PTAR1: variants seen among roughly 807,000 people sequenced by gnomAD.
PTAR1 encodes protein prenyltransferase alpha subunit repeat containing 1, also known as protein prenyltransferase alpha subunit repeat-containing protein 1.
PTAR1 carries 17 observed loss-of-function variants against 45.5 expected under a neutral mutation model. That is an observed-to-expected ratio of 0.37 (90% confidence interval 0.26 to 0.56). PTAR1 has a LOEUF of 0.56. Among genes scored for constraint, PTAR1 ranks in the 20% least tolerant of loss-of-function variants. The pLI is 0.77. For synonymous variants in PTAR1, 169 were observed against 171.3 expected, an observed-to-expected ratio of 0.99 and a Z score of 0.11; for missense variants, 391 against 476.3, an observed-to-expected ratio of 0.82 and a Z score of 1.67.
chr9:69,759,427 G>C (rs535429216), intron 1 of PTAR1, among the ~76,000 whole-genome samples: 1 of 152,116 alleles, frequency 6.6e-6, no homozygotes, highest in African/African-American at 2.4e-5. Flanking sequence ...AAAAGTAAGA[G>C]GATCGGTTAC....
At position 69,713,108 on chromosome 9, in the gene PTAR1, A is replaced by T. The variant is rs139277920; in HGVS notation, c.*5234T>A. The T allele has an allele frequency of 6.6e-6, 1 of 152,192 alleles. No homozygotes were observed. Among genetic ancestry groups the T allele is most frequent in the Non-Finnish European group, 1.5e-5 (1 of 68,020 alleles). 9.4% of individuals were successfully genotyped at this position (152,192 alleles called of 1,614,324 possible). Reference sequence around the variant, plus strand: ...TAACGTCAGGGTTAGCTTTCTGGACAATAGAATCATCCAGAAAGCACAAAT... The same window carrying T: ...TAACGTCAGGGTTAGCTTTCTGGACTATAGAATCATCCAGAAAGCACAAAT... On this transcript the variant is annotated 3_prime_UTR_variant, in exon 8 of 8. Transcript: ENST00000340434.
chr9:69,747,360 A>G (rs541092392), intron 2 of PTAR1, among the ~76,000 whole-genome samples: 1 of 152,224 alleles, frequency 6.6e-6, no homozygotes, highest in Non-Finnish European at 1.5e-5. Context: ...ATGCACGTGC[A>G]TGTGCTGGCA....
At chr9:69,754,532 C>CTTTTTTTTTTTTTTTTTTTTT (rs60025062) in intron 1 of PTAR1, among the ~76,000 whole-genome samples, 1 of 76,260 alleles carries the variant, frequency 1.3e-5, no homozygotes, top group South Asian at 5.1e-4. Context: ...GGGTATATAT[C>CTTTTTTTTTTTTTTTTTTTTT]TTTTTTTTTT....
intron 2 of PTAR1, among the ~76,000 whole-genome samples, chr9:69,749,929 G>T (rs1266236015): frequency 6.6e-6 from 1 of 151,982 alleles, no homozygotes; most frequent in Non-Finnish European, 1.5e-5. Flanking sequence ...AATTCTCTAG[G>T]AAACAAAGTT....
In PTAR1 at chr9:69,713,433, C is replaced by T. The variant is rs1004899471; in HGVS notation, c.*4909G>A. On this transcript the variant is annotated 3_prime_UTR_variant, in exon 8 of 8. Coordinates refer to ENST00000340434, the MANE Select transcript of PTAR1 (RefSeq NM_001099666.2). Reference sequence around the variant, plus strand: ...ATATATTTCTATGAAATTATATTTGCTATCTTGAAATATGGAATTCCTATC... The same window carrying T: ...ATATATTTCTATGAAATTATATTTGTTATCTTGAAATATGGAATTCCTATC... 6.6e-6 allele frequency: 1 copy of T among 152,080 alleles called. No homozygotes were observed. The highest frequency in any genetic ancestry group is 1.5e-5 in the Non-Finnish European group (1 of 67,996). The allele number at this position is 152,080 out of a possible 1,614,324, so 9.4% of individuals were successfully genotyped here. A position where few individuals can be genotyped will look rare whatever the true frequency, so the allele number is the denominator to read the frequency against.
Position 69,714,154 on chromosome 9 carries a change from T to C in PTAR1, c.*4188A>G, listed in dbSNP as rs1251855431. 3 of 152,082 alleles carry C rather than the reference T, an allele frequency of 2.0e-5. No homozygotes were observed. Among genetic ancestry groups the C allele is most frequent in the African/African-American group, 7.2e-5 (3 of 41,438 alleles). 9.4% of individuals were successfully genotyped at this position (152,082 alleles called of 1,614,324 possible). On this transcript the variant is annotated 3_prime_UTR_variant, in exon 8 of 8. Coordinates refer to ENST00000340434, the MANE Select transcript of PTAR1 (RefSeq NM_001099666.2). ...GCTTATTACAGAGCATACCTAGGTA[T>C]GGGGAGGCAGCAACACATAAAGTGC...
chr9:69,734,643 T>A (rs1825700678), intron 3 of PTAR1, among the ~76,000 whole-genome samples: 1 of 152,080 alleles, frequency 6.6e-6, no homozygotes, highest in African/African-American at 2.4e-5. Flanking sequence ...CCAAAATTGG[T>A]CTAGTTTCCT....
intron 1 of PTAR1, among the ~76,000 whole-genome samples, chr9:69,756,140 T>C (rs1364909577): frequency 1.3e-5 from 2 of 152,222 alleles, no homozygotes; most frequent in Non-Finnish European, 2.9e-5. Context: ...TTTCTATTCT[T>C]CAGTTCACCT....
intron 2 of PTAR1, 76 bp from the exon 3 acceptor site, chr9:69,741,934 C>A: frequency 1.2e-6 from 1 of 862,560 alleles, no homozygotes; most frequent in South Asian, 1.5e-5. Context: ...TTTTAAGGTT[C>A]TCTTTCTCTC....
intron 4 of PTAR1, among the ~76,000 whole-genome samples, chr9:69,733,559 A>C (rs909700254): frequency 4.5e-4 from 68 of 152,278 alleles, no homozygotes; most frequent in African/African-American, 1.5e-3. Flanking sequence ...AGAGTCCTAA[A>C]GTGCATTCTG....
rs1362408136 is a variant in PTAR1 at position 69,710,209 on chromosome 9, C to CA, written c.*8132dup. ...ACTGAGCACTTAAAATGTGGCCAGT[C>CA]AGAATTGAGATGTGCTGTGAGTGCA... On this transcript the variant is annotated 3_prime_UTR_variant, in exon 8 of 8. Coordinates refer to ENST00000340434, the MANE Select transcript of PTAR1 (RefSeq NM_001099666.2). 3.9e-5 allele frequency: 6 copies of CA among 152,006 alleles called. No homozygotes were observed. Among genetic ancestry groups the CA allele is most frequent in the African/African-American group, 1.4e-4 (6 of 41,394 alleles). 9.4% of individuals were successfully genotyped at this position (152,006 alleles called of 1,614,324 possible). A position where few individuals can be genotyped will look rare whatever the true frequency, so the allele number is the denominator to read the frequency against.
At chr9:69,741,749 A>T in intron 3 of PTAR1, 43 bp downstream of exon 3, 1 of 1,369,448 alleles carries the variant, frequency 7.3e-7, no homozygotes, top group South Asian at 1.2e-5. Flanking sequence ...TGTCTTCAGA[A>T]ATTTGGACAA....
intron 2 of PTAR1, among the ~76,000 whole-genome samples, chr9:69,747,721 G>A (rs1262839622): frequency 6.6e-6 from 1 of 152,142 alleles, no homozygotes; most frequent in Non-Finnish European, 1.5e-5. Context: ...CAAGCCTTAT[G>A]ATTTTTCAAG....
chr9:69,714,921 G>A lies in PTAR1; in HGVS notation c.*3421C>T, dbSNP rs1320654171. On this transcript the variant is annotated 3_prime_UTR_variant, in exon 8 of 8. Transcript: ENST00000340434. Reference sequence around the variant, plus strand: ...AATATCTGAAAGAGTCACAGTTCAAGTTGCGGGGAAAAAAGGAGAAGCATA... The same window carrying A: ...AATATCTGAAAGAGTCACAGTTCAAATTGCGGGGAAAAAAGGAGAAGCATA... 5 of 151,976 alleles carry A rather than the reference G, an allele frequency of 3.3e-5. No individual in the cohort carries two copies. Among genetic ancestry groups the A allele is most frequent in the African/African-American group, 1.2e-4 (5 of 41,366 alleles). The allele number at this position is 151,976 out of a possible 1,614,324, so 9.4% of individuals were successfully genotyped here. A position where few individuals can be genotyped will look rare whatever the true frequency, so the allele number is the denominator to read the frequency against.
Position 69,713,222 on chromosome 9 carries a change from TAC to T in PTAR1, c.*5118_*5119del, listed in dbSNP as rs1564119538. ...TTGTTCTTAGCAAAGAGTTTGGTTT[TAC>T]AGTGTTAACATGGCCTGGTGAGAGT... On this transcript the variant is annotated 3_prime_UTR_variant, in exon 8 of 8. Coordinates refer to ENST00000340434, the MANE Select transcript of PTAR1 (RefSeq NM_001099666.2). The T allele has an allele frequency of 6.6e-6, 1 of 152,136 alleles. No individual in the cohort carries two copies. The highest frequency in any genetic ancestry group is 6.6e-5 in the Admixed American group (1 of 15,244). The allele number at this position is 152,136 out of a possible 1,614,324, so 9.4% of individuals were successfully genotyped here. A position where few individuals can be genotyped will look rare whatever the true frequency, so the allele number is the denominator to read the frequency against.
intron 1 of PTAR1, chr9:69,757,989 T>C (rs1340851533): frequency 2.0e-5 from 3 of 152,238 alleles, no homozygotes; most frequent in African/African-American, 7.2e-5. Flanking sequence ...TACAAATCAT[T>C]ACATTATTCC....
chr9:69,718,827 G>GA, intron 6 of PTAR1, 143 bp from the exon 7 acceptor site: 2 of 577,526 alleles, frequency 3.5e-6, no homozygotes, highest in Non-Finnish European at 3.0e-6. Context: ...GAGGAAGGAG[G>GA]AAAAACAGTA....
chr9:69,746,511 T>C (rs1157927466), intron 2 of PTAR1, among the ~76,000 whole-genome samples: 1 of 152,154 alleles, frequency 6.6e-6, no homozygotes, highest in Non-Finnish European at 1.5e-5. Context: ...ACTATTTGAC[T>C]CTCTCAATTT....
At position 69,723,428 on chromosome 9, in the gene PTAR1, TC is replaced by T; in HGVS notation, c.844del (p.Glu282LysfsTer11). Reference sequence around the variant, plus strand: ...ATGGGGAAGATTAATCCTTGGTTCTTCTGTTGAAACTGCTGCTTCTTCATCT... The same window carrying T: ...ATGGGGAAGATTAATCCTTGGTTCTTTGTTGAAACTGCTGCTTCTTCATCT... ...PKDEEAAVST[E>X]EPRINLPHLL... is the part of the protein sequence containing the mutation. On this transcript the variant is annotated frameshift_variant, in exon 6 of 8. Transcript: ENST00000340434. LOFTEE classifies it high-confidence loss of function. The T allele has an allele frequency of 6.2e-7, 1 of 1,613,926 alleles. No individual in the cohort carries two copies. Among genetic ancestry groups the T allele is most frequent in the Non-Finnish European group, 8.5e-7 (1 of 1,179,846 alleles).
Sources: allele counts gnomAD v4.1 joint callset (sites outside exome capture counted in the v4.1 genomes callset), GRCh38; gene constraint gnomAD v4.1.1; transcripts MANE v1.5; gene names NCBI Gene and HGNC (gene_info 2026-07-23, HGNC 2026-07-21).